BRINP2: variants seen among roughly 807,000 people sequenced by gnomAD.
The protein encoded by BRINP2 is BMP/retinoic acid-inducible neural-specific protein 2.
A neutral mutation model predicts 69.2 loss-of-function variants in BRINP2; 21 were observed. The observed-to-expected ratio is 0.30, with a 90% CI of 0.22 to 0.44. The LOEUF (loss-of-function observed/expected upper bound fraction) is 0.44, where lower values mean the gene tolerates loss of function less well. Among genes scored for constraint, BRINP2 ranks in the 20% least tolerant of loss-of-function variants. BRINP2 has a pLI of 1.00. For synonymous variants in BRINP2, 380 were observed against 394.1 expected (o/e 0.96, Z 0.42); for missense variants, 877 against 986.0 (o/e 0.89, Z 1.48).
At chr1:177,268,962 T>C (rs1651218237) in intron 4 of BRINP2, among the ~76,000 whole-genome samples, 1 of 152,200 alleles carries the variant, frequency 6.6e-6, no homozygotes, top group Non-Finnish European at 1.5e-5. Context: ...TATTACCAAC[T>C]ATCTGACTCA....
chr1:177,254,377 T>TGCGC (rs202159137), intron 2 of BRINP2, among the ~76,000 whole-genome samples: 67 of 129,120 alleles, frequency 5.2e-4, no homozygotes, highest in African/African-American at 2.1e-3. Context: ...TAAGCACACA[T>TGCGC]GCACACACAC....
At chr1:177,242,591 C>T (rs563229246) in intron 2 of BRINP2, among the ~76,000 whole-genome samples, 5 of 152,312 alleles carry the variant, frequency 3.3e-5, no homozygotes, top group African/African-American at 1.2e-4. Flanking sequence ...TTGACTCCTA[C>T]AAGAGTTGGT....
chr1:177,243,686 C>T lies in BRINP2; in HGVS notation c.270-12233C>T, dbSNP rs138087099. Among the ~76,000 whole-genome samples the T allele has an allele frequency of 4.1e-4, 62 of 152,310 alleles. 2 individuals carry two copies. The East Asian group carries it at 0.011, about 28-fold the overall frequency. ...AAAATAGGGTAACTGCTGAAACAAA[C>T]AGTCCTCAAATCTGAGTGACTTAAT... On this transcript the variant is annotated intron_variant, in intron 2 of 7. Coordinates refer to ENST00000361539, the MANE Select transcript of BRINP2 (RefSeq NM_021165.4).
intron 1 of BRINP2, among the ~76,000 whole-genome samples, chr1:177,213,735 C>T (rs1043508086): frequency 5.3e-5 from 8 of 152,246 alleles, no homozygotes; most frequent in African/African-American, 1.9e-4. Context: ...GCTGCAGGAG[C>T]ATTATAACAA....
At chr1:177,185,099 T>C (rs1317644440) in intron 1 of BRINP2, among the ~76,000 whole-genome samples, 3 of 151,978 alleles carry the variant, frequency 2.0e-5, no homozygotes. Flanking sequence ...CTCGGTTTGG[T>C]AGAATATTAA....
chr1:177,222,517 G>A (rs1363888627), intron 1 of BRINP2, among the ~76,000 whole-genome samples: 4 of 152,006 alleles, frequency 2.6e-5, no homozygotes, highest in Non-Finnish European at 5.9e-5. Context: ...TCACCAGGTT[G>A]GCCAGGCTGG....
chr1:177,241,473 C>T (rs888478196), intron 2 of BRINP2, among the ~76,000 whole-genome samples: 1 of 152,190 alleles, frequency 6.6e-6, no homozygotes, highest in Non-Finnish European at 1.5e-5. Flanking sequence ...CTCGTTAGCG[C>T]TTTGTAACTT....
chr1:177,236,878 A>G (rs369671571), intron 2 of BRINP2, among the ~76,000 whole-genome samples: 50 of 152,142 alleles, frequency 3.3e-4, no homozygotes, highest in African/African-American at 1.2e-3. Flanking sequence ...CTGAAATGCC[A>G]AAAGTGTCTC....
intron 1 of BRINP2, among the ~76,000 whole-genome samples, chr1:177,213,316 G>A (rs1195584759): frequency 6.6e-6 from 1 of 152,008 alleles, no homozygotes; most frequent in African/African-American, 2.4e-5. Flanking sequence ...TGAGAAACAC[G>A]CCTGGCCTTA....
intron 1 of BRINP2, among the ~76,000 whole-genome samples, chr1:177,201,391 G>A (rs780539413): frequency 1.3e-5 from 2 of 152,142 alleles, no homozygotes; most frequent in Admixed American, 6.6e-5. Context: ...TCTTTAATAA[G>A]AGAGAAGGTA....
At chr1:177,182,836 G>T (rs1452948562) in intron 1 of BRINP2, among the ~76,000 whole-genome samples, 1 of 152,046 alleles carries the variant, frequency 6.6e-6, no homozygotes, top group Non-Finnish European at 1.5e-5. Flanking sequence ...CAACTCACAG[G>T]GTTAGAGTAT....
chr1:177,249,109 G>T (rs1650495999), intron 2 of BRINP2, among the ~76,000 whole-genome samples: 1 of 152,122 alleles, frequency 6.6e-6, no homozygotes, highest in African/African-American at 2.4e-5. Context: ...TGATTATTTA[G>T]ATATCATTAT....
At chr1:177,178,069 G>A (rs2102286718) in intron 1 of BRINP2, among the ~76,000 whole-genome samples, 1 of 152,256 alleles carries the variant, frequency 6.6e-6, no homozygotes, top group Admixed American at 6.5e-5. Context: ...TGCCCCTCCA[G>A]GCTTGACAGG....
In BRINP2 at chr1:177,229,790, T is replaced by C. The variant is rs1454036477; in HGVS notation, c.-76-11T>C. ...GGTGCTCAAATGACAATGCCTTTTG[T>C]ACTTTTCCAGCTCCGAGCCCTGGAG... On this transcript the variant is annotated splice_polypyrimidine_tract_variant and intron_variant, in intron 1 of 7. Coordinates refer to ENST00000361539, the MANE Select transcript of BRINP2 (RefSeq NM_021165.4). 1 of 1,496,460 alleles carries C rather than the reference T, an allele frequency of 6.7e-7. No individual in the cohort carries two copies. The highest frequency in any genetic ancestry group is 8.9e-7 in the Non-Finnish European group (1 of 1,119,526). 92.7% of individuals were successfully genotyped at this position (1,496,460 alleles called of 1,614,324 possible).
chr1:177,196,514 A>C (rs775756694), intron 1 of BRINP2, among the ~76,000 whole-genome samples: 7 of 152,132 alleles, frequency 4.6e-5, no homozygotes, highest in Admixed American at 2.6e-4. Context: ...GCTACTTGGG[A>C]GGCTGAGGCA....
chr1:177,241,080 T>C (rs1650188879), intron 2 of BRINP2, among the ~76,000 whole-genome samples: 1 of 152,098 alleles, frequency 6.6e-6, no homozygotes, highest in East Asian at 1.9e-4. Context: ...CATGCCATTC[T>C]CCTGCCTCAG....
Position 177,230,106 on chromosome 1 carries a change from G to A in BRINP2, c.230G>A (p.Arg77Gln), listed in dbSNP as rs1369090298. The change falls in exon 2 of 8, where the codon CGG becomes CAG. Residue 77 changes from arginine (R) to glutamine (Q), a missense_variant. Coordinates refer to ENST00000361539, the MANE Select transcript of BRINP2 (RefSeq NM_021165.4). The stretch of plus-strand genomic sequence containing the variant: ...CAGGAGTATGCTGACTTCATGGAGC[G>A]GTACCGCCAGGGTTTCACCACCAGG... ...RAQEYADFMERYRQGFTTRYR... is the reference protein window; with the variant it reads ...RAQEYADFMEQYRQGFTTRYR... 3.7e-6 allele frequency: 6 copies of A among 1,612,490 alleles called. No homozygotes were observed. Among genetic ancestry groups the A allele is most frequent in the South Asian group, 1.1e-5 (1 of 90,886 alleles).
At chr1:177,240,399 C>T (rs1173165301) in intron 2 of BRINP2, among the ~76,000 whole-genome samples, 4 of 152,142 alleles carry the variant, frequency 2.6e-5, no homozygotes, top group Non-Finnish European at 5.9e-5. Context: ...TCATTACATG[C>T]TGCATACATG....
At chr1:177,203,740 G>A (rs1159490092) in intron 1 of BRINP2, among the ~76,000 whole-genome samples, 3 of 152,018 alleles carry the variant, frequency 2.0e-5, no homozygotes, top group Non-Finnish European at 4.4e-5. Flanking sequence ...GGGATAAAAC[G>A]GACCAAAAGA....
Sources: gnomAD v4.1 joint callset for allele counts (sites outside exome capture counted in the v4.1 genomes callset) on GRCh38, gnomAD v4.1.1 for gene constraint, MANE v1.5 for transcripts, NCBI Gene and HGNC (gene_info 2026-07-23, HGNC 2026-07-21) for gene names.